The following GRM7 variants were observed in gnomAD, a reference collection of about 807,000 sequenced individuals.
GRM7 encodes metabotropic glutamate receptor 7.
In GRM7, 35 loss-of-function variants were observed where a neutral mutation model predicts 84.5. The ratio of observed to expected loss-of-function variants is 0.41; its 90% CI spans 0.32 to 0.55. GRM7 has a LOEUF of 0.55. GRM7 is among the 20% of genes least tolerant of loss of function. The pLI is 0.19. For synonymous variants in GRM7, 487 were observed against 455.1 expected, an observed-to-expected ratio of 1.07 and a Z score of -0.89; for missense variants, 1,003 against 1,194.6, an observed-to-expected ratio of 0.84 and a Z score of 2.36.
At chr3:7,325,220 C>G (rs912115362) in intron 4 of GRM7, among the ~76,000 whole-genome samples, 3 of 152,148 alleles carry the variant, frequency 2.0e-5, no homozygotes, top group Non-Finnish European at 4.4e-5. Flanking sequence ...CGAGCTGTCA[C>G]CATGCTAAGT....
At chr3:7,066,312 C>T (rs1009347591) in intron 1 of GRM7, among the ~76,000 whole-genome samples, 2 of 151,736 alleles carry the variant, frequency 1.3e-5, no homozygotes, top group Non-Finnish European at 2.9e-5. Context: ...GAAAATCCAA[C>T]TAACCTCACT....
In GRM7 at chr3:6,862,098, C is replaced by CT. The variant is rs1694774261; in HGVS notation, c.519+192dup. 6.6e-6 allele frequency among the ~76,000 whole-genome samples: 1 copy of CT among 152,034 alleles called. No homozygotes were observed. Among genetic ancestry groups the CT allele is most frequent in the African/African-American group, 2.4e-5 (1 of 41,404 alleles). On this transcript the variant is annotated intron_variant, in intron 1 of 9. Transcript: ENST00000357716. This position sits in a 1 kb window ranked among gnomAD's most constrained non-coding sequence, Gnocchi z 5.2. ...TGCTTGGTTTATTTCCCTTCCATCT[C>CT]TCCCCTGTCCACGCTCCACTCCATC... is the stretch of plus-strand genomic sequence containing the variant.
chr3:7,082,080 G>A (rs1698292087), intron 1 of GRM7, among the ~76,000 whole-genome samples: 1 of 152,114 alleles, frequency 6.6e-6, no homozygotes, highest in African/African-American at 2.4e-5. Flanking sequence ...AATAAAGGAA[G>A]ATGACGACAC....
intron 2 of GRM7, among the ~76,000 whole-genome samples, chr3:7,293,760 T>G (rs1466320603): frequency 6.6e-6 from 1 of 152,188 alleles, no homozygotes; most frequent in South Asian, 2.1e-4. Context: ...TGCTGGTAGG[T>G]ACATGGGACC....
intron 9 of GRM7, among the ~76,000 whole-genome samples, chr3:7,696,879 T>C (rs162773): frequency 0.43 from 64,865 of 151,956 alleles, 14,618 homozygotes; most frequent in Non-Finnish European, 0.51. Context: ...ATTTATATAT[T>C]GGGAGAGCTT....
At chr3:6,988,081 C>G (rs140542547) in intron 1 of GRM7, among the ~76,000 whole-genome samples, 3,725 of 150,328 alleles carry the variant, frequency 0.025, 159 homozygotes, top group African/African-American at 0.086. Flanking sequence ...ACTGCAAGCT[C>G]CGCCTCCTGG....
At chr3:7,200,471 T>C (rs1370149096) in intron 2 of GRM7, among the ~76,000 whole-genome samples, 2 of 152,222 alleles carry the variant, frequency 1.3e-5, no homozygotes, top group African/African-American at 4.8e-5. Flanking sequence ...TAGAATGTGA[T>C]TCACTTAGAT....
At chr3:7,580,398 C>G (rs1466563980) in intron 8 of GRM7, among the ~76,000 whole-genome samples, 3 of 152,080 alleles carry the variant, frequency 2.0e-5, no homozygotes, top group Non-Finnish European at 2.9e-5. Context: ...TTGGACAAAT[C>G]TCTGAAACAT....
At chr3:7,054,254 G>GATATATATGATATATGATAT (rs1697126919) in intron 1 of GRM7, among the ~76,000 whole-genome samples, 1 of 148,110 alleles carries the variant, frequency 6.8e-6, no homozygotes, top group Non-Finnish European at 1.5e-5. Context: ...TATCTTTTAT[G>GATATATATGATATATGATAT]ATATATATGA....
intron 1 of GRM7, among the ~76,000 whole-genome samples, chr3:7,095,953 G>C (rs1159063963): frequency 6.6e-6 from 1 of 151,954 alleles, no homozygotes; most frequent in South Asian, 2.1e-4. Context: ...TATATTTTAG[G>C]TATACATTGT....
At chr3:7,030,153 T>C (rs1696137548) in intron 1 of GRM7, among the ~76,000 whole-genome samples, 1 of 152,178 alleles carries the variant, frequency 6.6e-6, no homozygotes, top group East Asian at 1.9e-4. Flanking sequence ...TTGAGGAATA[T>C]TAAGATAATA....
In GRM7 at chr3:7,632,226, T is replaced by A. The variant is rs190769454; in HGVS notation, c.2452-47823T>A. Among the ~76,000 whole-genome samples, 3 of 152,154 alleles carry A rather than the reference T, an allele frequency of 2.0e-5. No individual in the cohort carries two copies. In the East Asian group the frequency reaches 5.8e-4, roughly 29 times the overall value. On this transcript the variant is annotated intron_variant, in intron 8 of 9. Transcript: ENST00000357716. ...TATCTTGGGAAGGCACTGGACAATTTCAAGCAAGAAAGATACATGACTTGA... is the reference window on the plus strand; with the variant it reads ...TATCTTGGGAAGGCACTGGACAATTACAAGCAAGAAAGATACATGACTTGA...
chr3:7,011,724 G>A (rs1695374847), intron 1 of GRM7, among the ~76,000 whole-genome samples: 1 of 152,122 alleles, frequency 6.6e-6, no homozygotes, highest in Non-Finnish European at 1.5e-5. Context: ...AACAGAAAGA[G>A]GCAGAGTTAC....
intron 7 of GRM7, among the ~76,000 whole-genome samples, chr3:7,464,627 A>C (rs769342254): frequency 6.6e-6 from 1 of 151,814 alleles, no homozygotes; most frequent in African/African-American, 2.4e-5. Context: ...TCAGGAGATC[A>C]AGACCATCCT....
intron 1 of GRM7, among the ~76,000 whole-genome samples, chr3:7,007,499 G>A (rs1695222899): frequency 6.6e-6 from 1 of 152,012 alleles, no homozygotes; most frequent in Non-Finnish European, 1.5e-5. Context: ...TCAATATCTG[G>A]AATAGCTCAG....
chr3:7,733,316 T>A (rs1487355246), intron 9 of GRM7, among the ~76,000 whole-genome samples: 1 of 152,152 alleles, frequency 6.6e-6, no homozygotes, highest in East Asian at 1.9e-4. Context: ...AAAGGAAAGC[T>A]CTCAGCAAAG....
At chr3:6,950,460 G>A (rs892099194) in intron 1 of GRM7, among the ~76,000 whole-genome samples, 22 of 152,152 alleles carry the variant, frequency 1.4e-4, no homozygotes, top group African/African-American at 7.2e-5. Flanking sequence ...GTGTCAGTAC[G>A]CCCCTACTGG....
chr3:6,915,844 A>G (rs1158787514), intron 1 of GRM7, among the ~76,000 whole-genome samples: 1 of 152,188 alleles, frequency 6.6e-6, no homozygotes, highest in Non-Finnish European at 1.5e-5. Context: ...ACTGAGTTCT[A>G]TGTGTAGTTC....
intron 1 of GRM7, among the ~76,000 whole-genome samples, chr3:6,934,349 G>T (rs1051100008): frequency 2.0e-5 from 3 of 151,888 alleles, no homozygotes; most frequent in Non-Finnish European, 4.4e-5. Flanking sequence ...CTGTACCAGG[G>T]CTGTACTGGG....
Sources: gnomAD v4.1 joint callset for allele counts (sites outside exome capture counted in the v4.1 genomes callset) on GRCh38, gnomAD v4.1.1 for gene constraint, Gnocchi (gnomAD v3.1) non-coding constraint, MANE v1.5 for transcripts, NCBI Gene and HGNC (gene_info 2026-07-23, HGNC 2026-07-21) for gene names.